SLC8A1: variants seen among roughly 807,000 people sequenced by gnomAD.
The protein encoded by SLC8A1 is solute carrier family 8 member A1, also known as sodium/calcium exchanger 1.
Under a neutral mutation model 68.3 loss-of-function variants are expected in SLC8A1, and 18 were observed. The ratio of observed to expected loss-of-function variants is 0.26; its 90% CI spans 0.18 to 0.39. The LOEUF (loss-of-function observed/expected upper bound fraction) is 0.39. SLC8A1 is among the 10% of genes least tolerant of loss of function. SLC8A1 has a pLI of 1.00. For synonymous variants in SLC8A1, 475 were observed against 415.5 expected, an observed-to-expected ratio of 1.14 and a Z score of -1.74; for missense variants, 985 against 1,156.7, an observed-to-expected ratio of 0.85 and a Z score of 2.15.
At chr2:40,322,501 TAAAAAAAAAAA>T (rs10708563) in intron 2 of SLC8A1, among the ~76,000 whole-genome samples, 6 of 97,324 alleles carry the variant, frequency 6.2e-5, no homozygotes, top group Admixed American at 1.2e-4. Context: ...TACAAAAGGT[TAAAAAAAAAAA>T]AAAAAAAAAA....
chr2:40,174,849 A>G lies in SLC8A1; in HGVS notation c.1913-7T>C, dbSNP rs2048187861. ...CCTGTTATTGTGAAGCCACCTAAAA[A>G]AGAAAAAAACAACAACAAATGTTAT... On this transcript the variant is annotated splice_region_variant and splice_polypyrimidine_tract_variant and intron_variant, in intron 3 of 7. Transcript: ENST00000406785. 3 of 1,608,596 alleles carry G rather than the reference A, an allele frequency of 1.9e-6. No individual in the cohort carries two copies. Among genetic ancestry groups the G allele is most frequent in the African/African-American group, 1.3e-5 (1 of 74,730 alleles).
chr2:40,291,872 A>G (rs2069391680), intron 2 of SLC8A1, among the ~76,000 whole-genome samples: 1 of 151,828 alleles, frequency 6.6e-6, no homozygotes, highest in African/African-American at 2.4e-5. Flanking sequence ...ATTCAGTCAC[A>G]ACACCCTGAG....
intron 1 of SLC8A1, among the ~76,000 whole-genome samples, chr2:40,485,505 T>C (rs1225741967): frequency 6.6e-6 from 1 of 152,246 alleles, no homozygotes; most frequent in African/African-American, 2.4e-5. Flanking sequence ...CAGTTACTTT[T>C]AAACGTCTGG....
chr2:40,333,302 G>A (rs891079268), intron 2 of SLC8A1, among the ~76,000 whole-genome samples: 8 of 152,032 alleles, frequency 5.3e-5, no homozygotes, highest in Non-Finnish European at 5.9e-5. Flanking sequence ...GCCAGGTGTG[G>A]TGGCATGTGC....
At chr2:40,130,211 G>C (rs2039047059) in intron 7 of SLC8A1, among the ~76,000 whole-genome samples, 1 of 152,210 alleles carries the variant, frequency 6.6e-6, no homozygotes. Flanking sequence ...AGAATCTTTG[G>C]GTCGGCTGCA....
intron 2 of SLC8A1, among the ~76,000 whole-genome samples, chr2:40,291,605 C>A (rs79675567): frequency 4.4e-4 from 67 of 152,090 alleles, no homozygotes; most frequent in African/African-American, 1.5e-3. Context: ...TTTGAATGTG[C>A]ATTTTGAAAA....
At chr2:40,477,642 G>A (rs779321738) in intron 1 of SLC8A1, among the ~76,000 whole-genome samples, 3 of 152,104 alleles carry the variant, frequency 2.0e-5, no homozygotes, top group African/African-American at 4.8e-5. Context: ...CTTTGTACAC[G>A]TAAGCCACAT....
At chr2:40,173,532 C>T (rs408009) in intron 4 of SLC8A1, among the ~76,000 whole-genome samples, 16,233 of 152,134 alleles carry the variant, frequency 0.11, 1,011 homozygotes, top group Admixed American at 0.19. Context: ...CCATGTGAAA[C>T]GGCCCACATG....
intron 7 of SLC8A1, among the ~76,000 whole-genome samples, chr2:40,124,917 T>C (rs2037742854): frequency 6.6e-6 from 1 of 152,226 alleles, no homozygotes; most frequent in African/African-American, 2.4e-5. Flanking sequence ...ATATTTGCTA[T>C]ATATCTGTAT....
intron 2 of SLC8A1, among the ~76,000 whole-genome samples, chr2:40,306,333 A>T (rs2072588054): frequency 6.6e-6 from 1 of 152,108 alleles, no homozygotes; most frequent in Admixed American, 6.6e-5. Context: ...TTTTTTGGTT[A>T]TTTATCTTAA....
intron 2 of SLC8A1, among the ~76,000 whole-genome samples, chr2:40,257,220 T>A (rs992266639): frequency 6.6e-6 from 1 of 152,008 alleles, no homozygotes; most frequent in African/African-American, 2.4e-5. Context: ...AAAGTAAAGA[T>A]AAAAAATAAA....
At chr2:40,368,113 T>C (rs1676847461) in intron 2 of SLC8A1, among the ~76,000 whole-genome samples, 1 of 152,066 alleles carries the variant, frequency 6.6e-6, no homozygotes, top group Non-Finnish European at 1.5e-5. Flanking sequence ...ATCTTGTTGC[T>C]TCTTTTAATC....
chr2:40,412,819 G>T (rs936886264), intron 2 of SLC8A1, among the ~76,000 whole-genome samples: 1 of 152,146 alleles, frequency 6.6e-6, no homozygotes, highest in African/African-American at 2.4e-5. Context: ...ACTATTGATG[G>T]ATATTTTTGG....
intron 2 of SLC8A1, among the ~76,000 whole-genome samples, chr2:40,284,261 A>G (rs1444091808): frequency 6.7e-6 from 1 of 150,182 alleles, no homozygotes; most frequent in Admixed American, 6.7e-5. Context: ...CTCTCTATAT[A>G]TAAATATATA....
intron 2 of SLC8A1, among the ~76,000 whole-genome samples, chr2:40,213,928 A>T (rs902322053): frequency 2.0e-5 from 3 of 152,172 alleles, no homozygotes; most frequent in African/African-American, 7.2e-5. Context: ...TAAAAGAAAA[A>T]CAGTAACCAC....
At chr2:40,243,087 G>A (rs910947479) in intron 2 of SLC8A1, among the ~76,000 whole-genome samples, 2 of 152,186 alleles carry the variant, frequency 1.3e-5, no homozygotes, top group African/African-American at 4.8e-5. Flanking sequence ...GACATTGAAG[G>A]CTCATTTCAT....
intron 1 of SLC8A1, among the ~76,000 whole-genome samples, chr2:40,437,220 T>A (rs1699601701): frequency 6.6e-6 from 1 of 152,110 alleles, no homozygotes; most frequent in Non-Finnish European, 1.5e-5. Context: ...TTCACGACAA[T>A]AAGTTAACAA....
chr2:40,151,046 C>A (rs432188), intron 6 of SLC8A1, among the ~76,000 whole-genome samples: 22,505 of 152,152 alleles, frequency 0.15, 1,986 homozygotes, highest in African/African-American at 0.24. Flanking sequence ...TTAGGATCAT[C>A]ATTATCAGCT....
At chr2:40,497,613 A>T (rs1366435115) in intron 1 of SLC8A1, among the ~76,000 whole-genome samples, 1 of 152,022 alleles carries the variant, frequency 6.6e-6, no homozygotes, top group East Asian at 1.9e-4. Flanking sequence ...AAGGTATTAA[A>T]TATGTTAGGA....
Sources: allele counts gnomAD v4.1 joint callset (sites outside exome capture counted in the v4.1 genomes callset), GRCh38; gene constraint gnomAD v4.1.1; transcripts MANE v1.5; gene names NCBI Gene and HGNC (gene_info 2026-07-23, HGNC 2026-07-21).